The following CDK19 variants were observed in gnomAD, a reference collection of about 807,000 sequenced individuals.
CDK19 encodes cyclin-dependent kinase 19.
CDK19 carries 20 observed loss-of-function variants against 68.3 expected under a neutral mutation model. The observed-to-expected ratio is 0.29, with a 90% CI of 0.21 to 0.43. The LOEUF is 0.43. Among genes scored for constraint, CDK19 ranks in the 20% least tolerant of loss-of-function variants. The pLI, the probability that CDK19 is intolerant of heterozygous loss-of-function variation, is 1.00. For synonymous variants in CDK19, 221 were observed against 222.8 expected (o/e 0.99, Z 0.07); for missense variants, 339 against 623.5 (o/e 0.54, Z 4.86).
intron 4 of CDK19, among the ~76,000 whole-genome samples, chr6:110,653,938 C>A (rs1333535639): frequency 1.3e-5 from 2 of 152,144 alleles, no homozygotes; most frequent in Admixed American, 1.3e-4. Flanking sequence ...CTTTCTCCCA[C>A]CCCAAGACAT....
intron 9 of CDK19, 130 bp downstream of exon 9, chr6:110,623,160 A>C: frequency 1.3e-6 from 1 of 742,740 alleles, no homozygotes; most frequent in Non-Finnish European, 2.2e-6. Context: ...ACATCTCAAC[A>C]AAAAAAATAT....
At chr6:110,717,007 C>T (rs1053507482) in intron 2 of CDK19, among the ~76,000 whole-genome samples, 8 of 152,308 alleles carry the variant, frequency 5.3e-5, no homozygotes, top group Middle Eastern at 3.4e-3. Flanking sequence ...TGGCATGTGC[C>T]TGTAGTCCCA....
At chr6:110,792,678 T>C (rs1461914501) in intron 1 of CDK19, among the ~76,000 whole-genome samples, 1 of 152,342 alleles carries the variant, frequency 6.6e-6, no homozygotes, top group South Asian at 2.1e-4. Context: ...GGGATGGACA[T>C]TCATGGCGAA....
chr6:110,743,218 C>G (rs1241925866), intron 2 of CDK19, among the ~76,000 whole-genome samples: 4 of 152,122 alleles, frequency 2.6e-5, no homozygotes, highest in African/African-American at 9.7e-5. Flanking sequence ...CTGTGCAATA[C>G]CATCCATGGT....
chr6:110,732,262 G>A (rs1776820247), intron 2 of CDK19, among the ~76,000 whole-genome samples: 1 of 152,050 alleles, frequency 6.6e-6, no homozygotes, highest in Admixed American at 6.6e-5. Context: ...TTCGGAGATG[G>A]AGGCAGGTGG....
intron 1 of CDK19, among the ~76,000 whole-genome samples, chr6:110,763,142 T>C (rs1444037588): frequency 6.6e-6 from 1 of 152,176 alleles, no homozygotes; most frequent in Non-Finnish European, 1.5e-5. Context: ...AGGTATTATA[T>C]ATTAAAACTG....
Position 110,801,704 on chromosome 6 carries a change from G to C in CDK19, c.128+13305C>G, listed in dbSNP as rs557248818. The stretch of plus-strand genomic sequence containing the variant: ...TTTTTTGTATTTTTAGTACAGACAG[G>C]GTTTCGCAGTGTTAGCCAGGATGGT... On this transcript the variant is annotated intron_variant, in intron 1 of 12. Transcript: ENST00000368911. Among the ~76,000 whole-genome samples the C allele has an allele frequency of 1.6e-4, 25 of 152,162 alleles. No individual in the cohort carries two copies. The East Asian group carries it at 2.9e-3, about 18-fold the overall frequency.
At chr6:110,677,334 C>T (rs991941662) in intron 2 of CDK19, among the ~76,000 whole-genome samples, 3 of 151,890 alleles carry the variant, frequency 2.0e-5, no homozygotes, top group Non-Finnish European at 2.9e-5. Context: ...GAGGCCAAGG[C>T]GGGTGGATCA....
At chr6:110,733,159 T>A (rs886583584) in intron 2 of CDK19, among the ~76,000 whole-genome samples, 1 of 152,180 alleles carries the variant, frequency 6.6e-6, no homozygotes, top group Admixed American at 6.5e-5. Context: ...TCACAATACG[T>A]ATTTCTGTCT....
At chr6:110,778,603 A>G (rs1326721419) in intron 1 of CDK19, among the ~76,000 whole-genome samples, 1 of 152,162 alleles carries the variant, frequency 6.6e-6, no homozygotes, top group Non-Finnish European at 1.5e-5. Flanking sequence ...AAATTGTACT[A>G]AATTGTTCTC....
intron 2 of CDK19, among the ~76,000 whole-genome samples, chr6:110,725,732 A>C (rs1283910995): frequency 1.3e-5 from 2 of 152,248 alleles, no homozygotes; most frequent in Admixed American, 1.3e-4. Context: ...AAATTATTTC[A>C]CTAAAATTTG....
At chr6:110,721,841 G>A (rs1415614332) in intron 2 of CDK19, among the ~76,000 whole-genome samples, 4 of 152,158 alleles carry the variant, frequency 2.6e-5, no homozygotes, top group South Asian at 2.1e-4. Flanking sequence ...GTGCGCGCCT[G>A]TAATCCCAGC....
chr6:110,671,859 C>T (rs1244055956), intron 2 of CDK19, among the ~76,000 whole-genome samples: 1 of 152,140 alleles, frequency 6.6e-6, no homozygotes, highest in East Asian at 1.9e-4. Context: ...CTCACTGCAA[C>T]CTCCGCCTCC....
At chr6:110,631,832 T>C (rs1405555271) in intron 6 of CDK19, among the ~76,000 whole-genome samples, 198 bp downstream of exon 6, 1 of 152,224 alleles carries the variant, frequency 6.6e-6, no homozygotes, top group African/African-American at 2.4e-5. Flanking sequence ...TGAAAGAAAA[T>C]GTTTTCTTCT....
intron 2 of CDK19, among the ~76,000 whole-genome samples, chr6:110,679,633 A>T (rs12179012): frequency 5.9e-5 from 9 of 152,276 alleles, no homozygotes; most frequent in East Asian, 1.9e-4. Context: ...AAATTTTTTT[A>T]AAAAAAGAAA....
intron 2 of CDK19, among the ~76,000 whole-genome samples, chr6:110,686,076 T>G (rs564514437): frequency 6.6e-6 from 1 of 151,682 alleles, no homozygotes. Context: ...CAGATAGCAA[T>G]GGGAAAAAAA....
chr6:110,671,728 A>C (rs763996495), intron 2 of CDK19, among the ~76,000 whole-genome samples: 1 of 152,194 alleles, frequency 6.6e-6, no homozygotes, highest in Non-Finnish European at 1.5e-5. Context: ...AGACATATAA[A>C]TAGATCAATG....
chr6:110,721,799 CA>C (rs1200028249), intron 2 of CDK19, among the ~76,000 whole-genome samples: 5 of 151,930 alleles, frequency 3.3e-5, no homozygotes, highest in African/African-American at 9.6e-5. Flanking sequence ...CTCGTCTCTA[CA>C]AAAAAATACA....
chr6:110,786,724 G>A (rs747794593), intron 1 of CDK19, among the ~76,000 whole-genome samples: 4 of 151,324 alleles, frequency 2.6e-5, no homozygotes, highest in Admixed American at 6.6e-5. Context: ...GGGGAATCAC[G>A]GCATTGTCTA....
Sources: gnomAD v4.1 joint callset for allele counts (sites outside exome capture counted in the v4.1 genomes callset) on GRCh38, gnomAD v4.1.1 for gene constraint, MANE v1.5 for transcripts, NCBI Gene and HGNC (gene_info 2026-07-23, HGNC 2026-07-21) for gene names.